The following ORC2 variants were observed in gnomAD, a reference collection of about 807,000 sequenced individuals.
ORC2 encodes the protein origin recognition complex subunit 2.
ORC2 carries 37 observed loss-of-function variants against 77.7 expected under a neutral mutation model. The ratio of observed to expected loss-of-function variants is 0.48; its 90% CI spans 0.37 to 0.63. The LOEUF (loss-of-function observed/expected upper bound fraction) is 0.63, where lower values mean the gene tolerates loss of function less well. Ranked by LOEUF, ORC2 falls within the 20% of genes least tolerant of loss-of-function variation. The pLI, the probability that ORC2 is intolerant of heterozygous loss-of-function variation, is 0.00. For synonymous variants in ORC2, 201 were observed against 229.5 expected (o/e 0.88, Z 1.12); for missense variants, 557 against 661.9 (o/e 0.84, Z 1.74).
In ORC2 at chr2:200,935,683, C is replaced by G. The variant is rs759981150; in HGVS notation, c.708+16G>C. ...CACAATTTTTCTTTAAGGTTAAAGT[C>G]TCTCTCTTCACTTACTGTTTTATCT... On this transcript the variant is annotated intron_variant, in intron 9 of 17. Coordinates refer to ENST00000234296, the MANE Select transcript of ORC2 (RefSeq NM_006190.5). 1 of 1,555,886 alleles carries G rather than the reference C, an allele frequency of 6.4e-7. No individual in the cohort carries two copies. Among genetic ancestry groups the G allele is most frequent in the Non-Finnish European group, 8.7e-7 (1 of 1,149,642 alleles).
At chr2:200,940,697 G>A (rs545770583) in intron 7 of ORC2, among the ~76,000 whole-genome samples, 1 of 152,206 alleles carries the variant, frequency 6.6e-6, no homozygotes, top group East Asian at 1.9e-4. Context: ...AGCTACTCAG[G>A]AGGCTGAGGT....
intron 1 of ORC2, among the ~76,000 whole-genome samples, chr2:200,961,494 C>G (rs936454430): frequency 1.3e-5 from 2 of 152,122 alleles, no homozygotes; most frequent in African/African-American, 4.8e-5. Context: ...CATAATAGGT[C>G]TAATTATTTC....
chr2:200,920,279 C>T lies in ORC2; in HGVS notation c.1409G>A (p.Gly470Glu). ...AGTAAGGGAGCTAAGTGGCAGGGAT[C>T]CAGACTGCTTTACCAGAAGAGAGTT... ...YENSLLVKQS[G>E]SLPLSSLTHV... The change falls in exon 15 of 18, where the codon GGA (glycine) becomes GAA (glutamate). Residue 470 changes from glycine to glutamate, a missense_variant. Transcript: ENST00000234296. The T allele has an allele frequency of 6.2e-7, 1 of 1,613,826 alleles. No individual in the cohort carries two copies.
At chr2:200,939,688 G>A (rs977266434) in intron 7 of ORC2, among the ~76,000 whole-genome samples, 2 of 152,114 alleles carry the variant, frequency 1.3e-5, no homozygotes, top group Non-Finnish European at 1.5e-5. Context: ...ATTTTCTCTT[G>A]AACTTGCTTT....
intron 4 of ORC2, among the ~76,000 whole-genome samples, chr2:200,957,129 A>C (rs1356314943): frequency 6.6e-6 from 1 of 152,228 alleles, no homozygotes; most frequent in Non-Finnish European, 1.5e-5. Context: ...CTATGTAACA[A>C]GCCTGCACAT....
intron 13 of ORC2, among the ~76,000 whole-genome samples, chr2:200,924,177 A>G (rs1415251774): frequency 6.6e-6 from 1 of 152,072 alleles, no homozygotes; most frequent in East Asian, 1.9e-4. Context: ...GTGAGACTCC[A>G]TCTCTACAAA....
chr2:200,947,589 C>T (rs1337263637), intron 5 of ORC2, among the ~76,000 whole-genome samples: 1 of 152,094 alleles, frequency 6.6e-6, no homozygotes, highest in Non-Finnish European at 1.5e-5. Flanking sequence ...TACTTTTGTT[C>T]CTGACTTTTT....
At chr2:200,950,328 CA>C (rs111829463) in intron 4 of ORC2, among the ~76,000 whole-genome samples, 52 of 145,530 alleles carry the variant, frequency 3.6e-4, no homozygotes, top group Non-Finnish European at 5.6e-4. Context: ...GATAAAGTAT[CA>C]AAAAAAAAAG....
At position 200,935,759 on chromosome 2, in the gene ORC2, T is replaced by C. The variant is rs750042470; in HGVS notation, c.648A>G (p.Arg216=). The C allele has an allele frequency of 5.6e-6, 9 of 1,613,960 alleles. No homozygotes were observed. In the East Asian group the frequency reaches 1.8e-4, roughly 32 times the overall value. ...IFSQKIQAQN[R]VVSAPVGKET... ...CTTTGCCAACAGGAGCTGAAACTAC[T>C]CTATTCTGAGCTTGAATCTTTTGGC... Residue 216 remains arginine, a synonymous_variant, in exon 9 of 18, where the codon AGA becomes AGG. Transcript: ENST00000234296.
At position 200,929,568 on chromosome 2, in the gene ORC2, T is replaced by C. The variant is rs193247068; in HGVS notation, c.917+1771A>G. Among the ~76,000 whole-genome samples the C allele has an allele frequency of 2.6e-4, 39 of 152,116 alleles. No homozygotes were observed. The Middle Eastern group carries it at 0.014, about 53-fold the overall frequency. On this transcript the variant is annotated intron_variant, in intron 11 of 17. Coordinates refer to ENST00000234296, the MANE Select transcript of ORC2 (RefSeq NM_006190.5). ...CAGTTTTGGAAGCCAAGGCAGAGAATTGCTTGTGCCCAGGGGTTTGAGACC... is the reference window on the plus strand; with the variant it reads ...CAGTTTTGGAAGCCAAGGCAGAGAACTGCTTGTGCCCAGGGGTTTGAGACC...
Position 200,941,256 on chromosome 2 carries a change from G to A in ORC2, c.445C>T (p.Gln149Ter). Residue 149 changes from glutamine to a stop codon, truncating the protein, a stop_gained, in exon 7 of 18, where the codon CAA (glutamine) becomes TAA (stop). Coordinates refer to ENST00000234296, the MANE Select transcript of ORC2 (RefSeq NM_006190.5). LOFTEE classifies it high-confidence loss of function. ...SKGHSASDKV[Q>*]PKNNDKSEFL... ...TTTAGTCAATTGCTTACCTTCGGTTGAACCTTGTCTGAAGCAGAATGGCCT... is the reference window on the plus strand; with the variant it reads ...TTTAGTCAATTGCTTACCTTCGGTTAAACCTTGTCTGAAGCAGAATGGCCT... The A allele has an allele frequency of 6.2e-7, 1 of 1,609,924 alleles. No homozygotes were observed. Among genetic ancestry groups the A allele is most frequent in the Non-Finnish European group, 8.5e-7 (1 of 1,177,112 alleles).
At chr2:200,918,395 T>C (rs2040695512) in intron 15 of ORC2, among the ~76,000 whole-genome samples, 1 of 152,094 alleles carries the variant, frequency 6.6e-6, no homozygotes, top group African/African-American at 2.4e-5. Flanking sequence ...TATTATGCCA[T>C]CTTGACCACA....
chr2:200,927,978 G>A (rs919179954), intron 11 of ORC2, among the ~76,000 whole-genome samples: 17 of 151,590 alleles, frequency 1.1e-4, no homozygotes, highest in African/African-American at 3.4e-4. Flanking sequence ...ATGAGCCACC[G>A]TGCAAGGCCA....
chr2:200,956,298 C>T (rs1231180127), intron 4 of ORC2, among the ~76,000 whole-genome samples: 6 of 151,924 alleles, frequency 3.9e-5, no homozygotes, highest in Non-Finnish European at 7.4e-5. Context: ...GGTATGATCA[C>T]GGCTCACTGC....
chr2:200,915,534 G>A (rs1012871130), intron 15 of ORC2, among the ~76,000 whole-genome samples: 15 of 152,098 alleles, frequency 9.9e-5, no homozygotes, highest in African/African-American at 3.6e-4. Flanking sequence ...TTATTCCATG[G>A]AAGAGTGAAC....
At chr2:200,926,634 G>T in intron 12 of ORC2, 134 bp downstream of exon 12, 3 of 716,418 alleles carry the variant, frequency 4.2e-6, no homozygotes, top group African/African-American at 1.8e-5. Flanking sequence ...CCAAACACAT[G>T]GTATTAAGCA....
rs753586089 is a variant in ORC2, at chr2:200,935,901, G to C, written c.515-9C>G. ...AGAATGAGACCTTGGAACTGTGGGG[G>C]GAAAAATAGCAATTTGGACAATTTC... On this transcript the variant is annotated splice_polypyrimidine_tract_variant and intron_variant, in intron 8 of 17. Coordinates refer to ENST00000234296, the MANE Select transcript of ORC2 (RefSeq NM_006190.5). The C allele has an allele frequency of 6.2e-7, 1 of 1,607,064 alleles. No homozygotes were observed. Among genetic ancestry groups the C allele is most frequent in the South Asian group, 1.1e-5 (1 of 89,968 alleles).
At chr2:200,961,414 A>G (rs1291493666) in intron 1 of ORC2, among the ~76,000 whole-genome samples, 2 of 152,144 alleles carry the variant, frequency 1.3e-5, no homozygotes, top group Non-Finnish European at 2.9e-5. Flanking sequence ...AGCCTCCCCA[A>G]GTGCTGGGAC....
rs909758682 is a variant in ORC2, at chr2:200,909,211, C to T, written c.*2090G>A. Reference sequence around the variant, plus strand: ...AATTGTGTTTTTAAAAGGAGAAAGACAGATACTTTTACATATGCATAGACG... The same window carrying T: ...AATTGTGTTTTTAAAAGGAGAAAGATAGATACTTTTACATATGCATAGACG... On this transcript the variant is annotated 3_prime_UTR_variant, in exon 18 of 18. Transcript: ENST00000234296. 1 of 152,088 alleles carries T rather than the reference C, an allele frequency of 6.6e-6. No individual in the cohort carries two copies. The highest frequency in any genetic ancestry group is 1.5e-5 in the Non-Finnish European group (1 of 68,010). The allele number at this position is 152,088 out of a possible 1,614,324, so 9.4% of individuals were successfully genotyped here. A position where few individuals can be genotyped will look rare whatever the true frequency, so the allele number is the denominator to read the frequency against.
Sources: allele counts gnomAD v4.1 joint callset (sites outside exome capture counted in the v4.1 genomes callset), GRCh38; gene constraint gnomAD v4.1.1; transcripts MANE v1.5; gene names NCBI Gene and HGNC (gene_info 2026-07-23, HGNC 2026-07-21).